The following GNA14 variants were observed in gnomAD, a reference collection of about 807,000 sequenced individuals.
GNA14 encodes G protein subunit alpha 14.
A neutral mutation model predicts 42.0 loss-of-function variants in GNA14; 50 were observed. The observed-to-expected ratio is 1.19, with a 90% confidence interval of 0.95 to 1.51. The LOEUF (loss-of-function observed/expected upper bound fraction) is 1.51, where lower values mean the gene tolerates loss of function less well. Among genes scored for constraint, GNA14 ranks in the 40% most tolerant of loss-of-function variants. The probability of loss-of-function intolerance (pLI) is 0.00; values close to 1 mark genes in which losing one functional copy is unlikely to be tolerated. For missense variants in GNA14, 473 were observed against 446.2 expected, an observed-to-expected ratio of 1.06 and a Z score of -0.54; for synonymous variants, 173 against 163.1, an observed-to-expected ratio of 1.06 and a Z score of -0.46.
At chr9:77,512,452 T>C (rs901756350) in intron 2 of GNA14, among the ~76,000 whole-genome samples, 8 of 152,206 alleles carry the variant, frequency 5.3e-5, no homozygotes. Flanking sequence ...GCAGAGATAA[T>C]CTTATTCTGC....
chr9:77,551,906 G>A (rs759458807), intron 1 of GNA14, among the ~76,000 whole-genome samples: 10 of 151,838 alleles, frequency 6.6e-5, no homozygotes, highest in Non-Finnish European at 1.3e-4. Context: ...TTGGGAGGCC[G>A]AGTCAGGCGG....
chr9:77,507,597 T>C (rs771584452), intron 2 of GNA14, among the ~76,000 whole-genome samples: 7 of 152,184 alleles, frequency 4.6e-5, no homozygotes, highest in Non-Finnish European at 7.3e-5. Flanking sequence ...AGTCTAACCT[T>C]GTATGCTATT....
intron 2 of GNA14, among the ~76,000 whole-genome samples, chr9:77,511,873 G>A (rs186355247): frequency 6.6e-6 from 1 of 152,174 alleles, no homozygotes; most frequent in Non-Finnish European, 1.5e-5. Context: ...CAACCAGAAG[G>A]CCTCTAATTT....
intron 1 of GNA14, among the ~76,000 whole-genome samples, chr9:77,546,480 G>A (rs546881154): frequency 3.9e-5 from 6 of 152,202 alleles, no homozygotes; most frequent in African/African-American, 1.4e-4. Context: ...GCGCACAGCT[G>A]TGAATCAGGA....
chr9:77,541,980 T>C (rs1389442614), intron 1 of GNA14, among the ~76,000 whole-genome samples: 1 of 152,216 alleles, frequency 6.6e-6, no homozygotes, highest in African/African-American at 2.4e-5. Context: ...TTCTCTTGTA[T>C]CTCACTGAGC....
At chr9:77,441,805 T>G (rs1735589703) in intron 2 of GNA14, among the ~76,000 whole-genome samples, 1 of 152,214 alleles carries the variant, frequency 6.6e-6, no homozygotes, top group African/African-American at 2.4e-5. Context: ...TATACTGTGT[T>G]TAATGTGTCC....
chr9:77,531,993 G>C (rs989775761), intron 1 of GNA14, among the ~76,000 whole-genome samples: 1 of 152,156 alleles, frequency 6.6e-6, no homozygotes, highest in Non-Finnish European at 1.5e-5. Context: ...CGGAGCAAAA[G>C]AGGGCAGAGT....
At chr9:77,631,467 TAAAAAAAAAA>T (rs59294268) in intron 1 of GNA14, among the ~76,000 whole-genome samples, 1 of 123,406 alleles carries the variant, frequency 8.1e-6, no homozygotes, top group African/African-American at 3.0e-5. Flanking sequence ...ACTTTTTATG[TAAAAAAAAAA>T]AAAAAAAAAA....
rs1188242560 is a variant in GNA14 at position 77,431,990 on chromosome 9, T to G, written c.465-541A>C. 4.6e-5 allele frequency among the ~76,000 whole-genome samples: 7 copies of G among 152,186 alleles called. No homozygotes were observed. The East Asian group carries it at 1.2e-3, about 25-fold the overall frequency. On this transcript the variant is annotated intron_variant, in intron 3 of 6. Coordinates refer to ENST00000341700, the MANE Select transcript of GNA14 (RefSeq NM_004297.4). ...GAACAAGTTTTCCTCTTGAAGACAC[T>G]GGGAAACTACATCTCCTAAAATAAC... is the stretch of plus-strand genomic sequence containing the variant.
At chr9:77,573,154 G>A (rs1435799037) in intron 1 of GNA14, among the ~76,000 whole-genome samples, 1 of 152,092 alleles carries the variant, frequency 6.6e-6, no homozygotes, top group Non-Finnish European at 1.5e-5. Flanking sequence ...TAAAAGTAAA[G>A]ATCTAGGTTT....
chr9:77,572,837 G>A (rs1412928475), intron 1 of GNA14, among the ~76,000 whole-genome samples: 1 of 152,146 alleles, frequency 6.6e-6, no homozygotes, highest in East Asian at 1.9e-4. Flanking sequence ...TGGGGTTATA[G>A]TTTAATGAGT....
chr9:77,481,670 T>A (rs376471597), intron 2 of GNA14, among the ~76,000 whole-genome samples: 1 of 152,148 alleles, frequency 6.6e-6, no homozygotes, highest in Admixed American at 6.5e-5. Context: ...CCCATTATTA[T>A]TGTGTGGAAG....
At chr9:77,620,181 C>A (rs896211071) in intron 1 of GNA14, among the ~76,000 whole-genome samples, 1 of 152,134 alleles carries the variant, frequency 6.6e-6, no homozygotes, top group Admixed American at 6.5e-5. Flanking sequence ...AGAGTTAACA[C>A]GGAAACTCAG....
intron 1 of GNA14, among the ~76,000 whole-genome samples, chr9:77,531,019 T>C (rs1837519999): frequency 1.3e-5 from 2 of 152,180 alleles, no homozygotes; most frequent in South Asian, 4.1e-4. Flanking sequence ...TTCCTTCCCC[T>C]GCATGCCACC....
intron 2 of GNA14, among the ~76,000 whole-genome samples, chr9:77,525,914 A>ATT (rs1477967858): frequency 2.0e-5 from 3 of 149,550 alleles, no homozygotes; most frequent in African/African-American, 7.4e-5. Flanking sequence ...TTTTTTAAAA[A>ATT]AAAAAAAAAA....
intron 2 of GNA14, among the ~76,000 whole-genome samples, chr9:77,475,857 G>C (rs959929250): frequency 1.3e-5 from 2 of 152,266 alleles, no homozygotes; most frequent in African/African-American, 4.8e-5. Flanking sequence ...CGATGCTGTG[G>C]GTTGGGGTGT....
intron 2 of GNA14, among the ~76,000 whole-genome samples, chr9:77,454,803 G>A (rs1377946198): frequency 6.6e-6 from 1 of 152,118 alleles, no homozygotes; most frequent in Non-Finnish European, 1.5e-5. Flanking sequence ...CGAACAGTCA[G>A]GGTCAACGAA....
rs1835407276 is a variant in GNA14, at chr9:77,423,572, T to C, written c.*407A>G. The C allele has an allele frequency of 6.6e-6, 1 of 152,642 alleles. No homozygotes were observed. Among genetic ancestry groups the C allele is most frequent in the Non-Finnish European group, 1.5e-5 (1 of 68,350 alleles). The allele number at this position is 152,642 out of a possible 1,614,324, so 9.5% of individuals were successfully genotyped here. On this transcript the variant is annotated 3_prime_UTR_variant, in exon 7 of 7. Coordinates refer to ENST00000341700, the MANE Select transcript of GNA14 (RefSeq NM_004297.4). Reference sequence around the variant, plus strand: ...TCAAACCCATTAACATTCTTATTTTTAAAAAAGTCACCCAAATTAACTCTA... The same window carrying C: ...TCAAACCCATTAACATTCTTATTTTCAAAAAAGTCACCCAAATTAACTCTA...
chr9:77,527,657 G>C (rs755681042), intron 2 of GNA14, among the ~76,000 whole-genome samples: 1 of 152,152 alleles, frequency 6.6e-6, no homozygotes, highest in South Asian at 2.1e-4. Flanking sequence ...TTTTGAGACG[G>C]AGTTTCGCTC....
Sources: gnomAD v4.1 joint callset for allele counts (sites outside exome capture counted in the v4.1 genomes callset) on GRCh38, gnomAD v4.1.1 for gene constraint, MANE v1.5 for transcripts, NCBI Gene and HGNC (gene_info 2026-07-23, HGNC 2026-07-21) for gene names.